CELF4: variants seen among roughly 807,000 people sequenced by gnomAD.
The protein encoded by CELF4 is CUG-BP- and ETR-3-like factor 4.
In CELF4, 18 loss-of-function variants were observed where a neutral mutation model predicts 59.9. That is an observed-to-expected ratio of 0.30 (90% confidence interval 0.21 to 0.45). The LOEUF (loss-of-function observed/expected upper bound fraction) is 0.45, where lower values mean the gene tolerates loss of function less well. Ranked by LOEUF, CELF4 falls within the 20% of genes least tolerant of loss-of-function variation. The pLI is 1.00. For missense variants in CELF4, 456 were observed against 689.0 expected (o/e 0.66, Z 3.79); for synonymous variants, 261 against 267.1 (o/e 0.98, Z 0.22).
At chr18:37,481,174 T>C (rs2099866041) in intron 2 of CELF4, among the ~76,000 whole-genome samples, 1 of 152,098 alleles carries the variant, frequency 6.6e-6, no homozygotes, top group South Asian at 2.1e-4. Context: ...TGCTTTGTAT[T>C]CTAGGATTGT....
At chr18:37,309,801 C>T (rs1420670659) in intron 3 of CELF4, among the ~76,000 whole-genome samples, 1 of 150,574 alleles carries the variant, frequency 6.6e-6, no homozygotes, top group Non-Finnish European at 1.5e-5. Context: ...CAAACCATTT[C>T]TTCATTACTT....
intron 1 of CELF4, among the ~76,000 whole-genome samples, chr18:37,539,593 ATG>A (rs1255839831): frequency 1.3e-5 from 2 of 152,060 alleles, no homozygotes; most frequent in Non-Finnish European, 2.9e-5. Flanking sequence ...ACACATGCCC[ATG>A]TGTGTGTCTT....
At position 37,370,152 on chromosome 18, in the gene CELF4, C is replaced by A. The variant is rs1303863635; in HGVS notation, c.370-48271G>T. Among the ~76,000 whole-genome samples the A allele has an allele frequency of 3.3e-5, 5 of 152,306 alleles. No individual in the cohort carries two copies. The East Asian group carries it at 9.6e-4, about 29-fold the overall frequency. On this transcript the variant is annotated intron_variant, in intron 2 of 12. Transcript: ENST00000420428. ...AGACCCTCAGACTGTTCCCAGCTTC[C>A]AATCCAATAGGTCCTATCCCAGAAA...
intron 2 of CELF4, among the ~76,000 whole-genome samples, chr18:37,353,554 C>A (rs2098504184): frequency 6.9e-6 from 1 of 145,290 alleles, no homozygotes; most frequent in Non-Finnish European, 1.5e-5. Flanking sequence ...CTTGGGTCAG[C>A]AAGCAGGAGA....
rs533394797 is a variant in CELF4, at chr18:37,549,240, C to A, written c.286+16116G>T. 1.1e-4 allele frequency among the ~76,000 whole-genome samples: 16 copies of A among 152,302 alleles called. No homozygotes were observed. In the South Asian group the frequency reaches 1.7e-3, roughly 16 times the overall value. ...TTCTGAAATCCAAACCATCCTAGAG[C>A]AGTATGACCAGGACCCTGGAGAACA... On this transcript the variant is annotated intron_variant, in intron 1 of 12. Transcript: ENST00000420428.
intron 2 of CELF4, among the ~76,000 whole-genome samples, chr18:37,447,439 G>A (rs761395804): frequency 3.9e-5 from 6 of 152,190 alleles, no homozygotes; most frequent in South Asian, 4.1e-4. Flanking sequence ...TGTCAGAGTC[G>A]GGGCCTCACT....
At chr18:37,498,970 C>T (rs1339109459) in intron 1 of CELF4, among the ~76,000 whole-genome samples, 1 of 152,120 alleles carries the variant, frequency 6.6e-6, no homozygotes, top group Non-Finnish European at 1.5e-5. Flanking sequence ...TGTTGTTGTC[C>T]GTAGTAATAG....
At chr18:37,345,374 A>G (rs968323176) in intron 2 of CELF4, among the ~76,000 whole-genome samples, 2 of 152,146 alleles carry the variant, frequency 1.3e-5, no homozygotes, top group African/African-American at 4.8e-5. Flanking sequence ...GGGAGAGGGC[A>G]GAACAGAGGG....
chr18:37,506,027 C>T (rs996078841), intron 1 of CELF4, among the ~76,000 whole-genome samples: 1 of 152,176 alleles, frequency 6.6e-6, no homozygotes, highest in Non-Finnish European at 1.5e-5. Flanking sequence ...GTAGGAGCTG[C>T]CATTCAAAGC....
At chr18:37,455,723 A>G (rs948534) in intron 2 of CELF4, among the ~76,000 whole-genome samples, 116,648 of 152,158 alleles carry the variant, frequency 0.77, 45,209 homozygotes, top group South Asian at 0.89. Context: ...CAAGGTCTAC[A>G]AGCTGGGTCA....
chr18:37,320,061 G>A (rs1401836018), intron 3 of CELF4, among the ~76,000 whole-genome samples: 2 of 151,136 alleles, frequency 1.3e-5, no homozygotes, highest in Non-Finnish European at 3.0e-5. Flanking sequence ...ACTCCAGCTG[G>A]GCGCGGTGGC....
intron 1 of CELF4, among the ~76,000 whole-genome samples, chr18:37,553,474 T>C (rs772551994): frequency 2.0e-5 from 3 of 152,228 alleles, no homozygotes; most frequent in African/African-American, 4.8e-5. Context: ...GTTGGACCCA[T>C]GTCAGGCCCT....
At position 37,292,553 on chromosome 18, in the gene CELF4, CG is replaced by C. The variant is rs1311556391; in HGVS notation, c.449-17311del. On this transcript the variant is annotated intron_variant, in intron 3 of 12. Transcript: ENST00000420428. The stretch of plus-strand genomic sequence containing the variant: ...TTTCTCCCTGACACCGGAAGTGACG[CG>C]GGCAGGCCAGGTACTTAGCACAGTC... 2.5e-3 allele frequency among the ~76,000 whole-genome samples: 375 copies of C among 152,300 alleles called. 1 individual carries two copies. Among genetic ancestry groups the C allele is most frequent in the African/African-American group, 8.7e-3 (363 of 41,580 alleles).
Position 37,259,201 on chromosome 18 carries a change from A to G in CELF4, c.1313T>C (p.Met438Thr). The change falls in exon 11 of 13, where the codon ATG becomes ACG. Residue 438 changes from methionine (M) to threonine (T), a missense_variant. Coordinates refer to ENST00000420428, the MANE Select transcript of CELF4 (RefSeq NM_020180.4). ...ATTACCGAAAGGGAGGAACATCTGC[A>G]TCAGCTCAGCGTCCCCAAACTCCTG... ...LPQEFGDAEL[M>T]QMFLPFGFVS... 6.2e-7 allele frequency: 1 copy of G among 1,609,418 alleles called. No homozygotes were observed. Among genetic ancestry groups the G allele is most frequent in the Non-Finnish European group, 8.5e-7 (1 of 1,177,954 alleles).
At chr18:37,442,856 C>G (rs60371522) in intron 2 of CELF4, among the ~76,000 whole-genome samples, 33,605 of 152,174 alleles carry the variant, frequency 0.22, 4,535 homozygotes, top group South Asian at 0.39. Context: ...TAATCTCCCC[C>G]TCTCCGTCCT....
chr18:37,445,463 G>A (rs2099745589), intron 2 of CELF4, among the ~76,000 whole-genome samples: 1 of 152,018 alleles, frequency 6.6e-6, no homozygotes, highest in Non-Finnish European at 1.5e-5. Flanking sequence ...TAGTCACAGT[G>A]CTGGCATCCA....
intron 2 of CELF4, among the ~76,000 whole-genome samples, chr18:37,470,881 T>TGAGAGAGA (rs1569569555): frequency 1.2e-5 from 1 of 80,884 alleles, no homozygotes; most frequent in African/African-American, 4.4e-5. Context: ...TGTGTGTGTG[T>TGAGAGAGA]GTGTGTGACA....
intron 2 of CELF4, among the ~76,000 whole-genome samples, chr18:37,420,155 A>T (rs1012947059): frequency 1.3e-5 from 2 of 152,198 alleles, no homozygotes; most frequent in African/African-American, 4.8e-5. Context: ...AAATAGAAGG[A>T]GCTGCAGGGG....
chr18:37,352,715 C>T (rs911557423), intron 2 of CELF4, among the ~76,000 whole-genome samples: 1 of 152,142 alleles, frequency 6.6e-6, no homozygotes, highest in Admixed American at 6.5e-5. Flanking sequence ...AGGTCAGAAT[C>T]TGGAGGTCAG....
Sources: allele counts gnomAD v4.1 joint callset (sites outside exome capture counted in the v4.1 genomes callset), GRCh38; gene constraint gnomAD v4.1.1; transcripts MANE v1.5; gene names NCBI Gene and HGNC (gene_info 2026-07-23, HGNC 2026-07-21).